The following THSD7B variants were observed in gnomAD, a reference collection of about 807,000 sequenced individuals.
The protein encoded by THSD7B is thrombospondin type 1 domain containing 7B.
In THSD7B, 138 loss-of-function variants were observed where a neutral mutation model predicts 213.6. The observed-to-expected ratio is 0.65, with a 90% CI of 0.56 to 0.74. The LOEUF (loss-of-function observed/expected upper bound fraction) is 0.74, where lower values mean the gene tolerates loss of function less well. THSD7B is among the 30% of genes least tolerant of loss of function. The probability of loss-of-function intolerance (pLI) is 0.00; values close to 1 mark genes in which losing one functional copy is unlikely to be tolerated. For missense variants in THSD7B, 1,931 were observed against 1,991.5 expected (o/e 0.97, Z 0.58); for synonymous variants, 742 against 687.0 (o/e 1.08, Z -1.25).
At chr2:137,109,197 A>C (rs921544250) in intron 4 of THSD7B, among the ~76,000 whole-genome samples, 1 of 152,174 alleles carries the variant, frequency 6.6e-6, no homozygotes, top group Non-Finnish European at 1.5e-5. Context: ...CCCACAGCCT[A>C]TTACTTCCCT....
chr2:136,814,831 A>C (rs1457687121), intron 1 of THSD7B, among the ~76,000 whole-genome samples: 1 of 152,204 alleles, frequency 6.6e-6, no homozygotes, highest in Non-Finnish European at 1.5e-5. Context: ...TTGGCAAACT[A>C]TGGTCAGTTT....
chr2:137,484,348 A>G (rs1185878457), intron 15 of THSD7B, among the ~76,000 whole-genome samples: 2 of 144,572 alleles, frequency 1.4e-5, no homozygotes, highest in African/African-American at 5.2e-5. Context: ...AAGGACATGA[A>G]CTCATCCTTT....
rs116477008 is a variant in THSD7B at position 136,924,518 on chromosome 2, C to T, written c.139+42201C>T. On this transcript the variant is annotated intron_variant, in intron 2 of 27. Coordinates refer to ENST00000409968, the MANE Select transcript of THSD7B (RefSeq NM_001316349.2). Reference sequence around the variant, plus strand: ...CATTTGGCCATTATTTCTTGGTTCTCTGTTCCACTGGGGGATATATATATA... The same window carrying T: ...CATTTGGCCATTATTTCTTGGTTCTTTGTTCCACTGGGGGATATATATATA... Among the ~76,000 whole-genome samples, 1,220 of 152,238 alleles carry T rather than the reference C, an allele frequency of 8.0e-3. 20 individuals carry two copies. The highest frequency in any genetic ancestry group is 0.028 in the African/African-American group (1,166 of 41,526).
At chr2:136,901,399 A>T (rs1027432285) in intron 2 of THSD7B, among the ~76,000 whole-genome samples, 2 of 152,254 alleles carry the variant, frequency 1.3e-5, no homozygotes, top group Admixed American at 6.5e-5. Context: ...ACCTTTTAAA[A>T]ATATATTATT....
At chr2:137,025,475 G>T (rs1686533998) in intron 2 of THSD7B, among the ~76,000 whole-genome samples, 1 of 152,040 alleles carries the variant, frequency 6.6e-6, no homozygotes, top group Admixed American at 6.6e-5. Context: ...CGATTATTTA[G>T]GGTAGGCTGA....
At position 137,054,984 on chromosome 2, in the gene THSD7B, A is replaced by G. The variant is rs1028569584; in HGVS notation, c.140-1436A>G. Among the ~76,000 whole-genome samples, 7 of 151,938 alleles carry G rather than the reference A, an allele frequency of 4.6e-5. 1 individual carries two copies. The South Asian group carries it at 1.2e-3, about 27-fold the overall frequency. On this transcript the variant is annotated intron_variant, in intron 2 of 27. Coordinates refer to ENST00000409968, the MANE Select transcript of THSD7B (RefSeq NM_001316349.2). ...GGGTGATATTCCCCTCCCTGTGTCC[A>G]TGTGTTCTCATTGTTCAACTCCCAC...
At chr2:137,549,427 C>T (rs1346048819) in intron 15 of THSD7B, among the ~76,000 whole-genome samples, 1 of 149,482 alleles carries the variant, frequency 6.7e-6, no homozygotes, top group South Asian at 2.1e-4. Flanking sequence ...TCTACCTATC[C>T]TTGCACTAGA....
At chr2:137,584,677 A>G (rs999566305) in intron 17 of THSD7B, among the ~76,000 whole-genome samples, 10 of 152,092 alleles carry the variant, frequency 6.6e-5, no homozygotes, top group Admixed American at 5.9e-4. Context: ...TGCATCCTAG[A>G]GATGAAGCCC....
At chr2:137,377,884 C>T (rs1003666893) in intron 12 of THSD7B, among the ~76,000 whole-genome samples, 1 of 152,192 alleles carries the variant, frequency 6.6e-6, no homozygotes, top group East Asian at 1.9e-4. Context: ...CTCAGCCTCC[C>T]GAAGTGCTGA....
chr2:137,274,128 C>G (rs368515715), intron 11 of THSD7B, among the ~76,000 whole-genome samples: 2 of 152,126 alleles, frequency 1.3e-5, no homozygotes, highest in South Asian at 2.1e-4. Flanking sequence ...TGCCATTTTT[C>G]CTGATGCATA....
At chr2:136,880,424 A>T (rs191390548) in intron 1 of THSD7B, among the ~76,000 whole-genome samples, 1 of 152,214 alleles carries the variant, frequency 6.6e-6, no homozygotes, top group South Asian at 2.1e-4. Flanking sequence ...TTTATTTTTC[A>T]TAATACATAT....
chr2:137,272,259 T>C (rs1202668452), intron 10 of THSD7B, among the ~76,000 whole-genome samples: 1 of 152,092 alleles, frequency 6.6e-6, no homozygotes, highest in Non-Finnish European at 1.5e-5. Flanking sequence ...GCCATAAAAC[T>C]TTTATGCCAT....
chr2:137,514,445 G>A (rs751671700), intron 15 of THSD7B, among the ~76,000 whole-genome samples: 27 of 152,094 alleles, frequency 1.8e-4, no homozygotes, highest in Admixed American at 1.3e-4. Flanking sequence ...TTTGGGACTC[G>A]GACTGGCTTC....
intron 15 of THSD7B, among the ~76,000 whole-genome samples, chr2:137,557,932 C>T (rs1681016020): frequency 6.6e-6 from 1 of 152,176 alleles, no homozygotes; most frequent in Non-Finnish European, 1.5e-5. Context: ...ATACTATAAA[C>T]ACCTCTATGC....
chr2:137,234,955 T>A (rs900702760), intron 9 of THSD7B, among the ~76,000 whole-genome samples: 1 of 152,210 alleles, frequency 6.6e-6, no homozygotes, highest in Admixed American at 6.5e-5. Context: ...CTTGGAAATG[T>A]CAACTTGTAT....
chr2:137,090,373 A>G (rs928408821), intron 3 of THSD7B, among the ~76,000 whole-genome samples: 7 of 152,020 alleles, frequency 4.6e-5, no homozygotes, highest in Non-Finnish European at 1.0e-4. Context: ...GTATGGAAGT[A>G]TTTGTTATAT....
chr2:137,529,329 A>G (rs902925389), intron 15 of THSD7B, among the ~76,000 whole-genome samples: 10 of 152,072 alleles, frequency 6.6e-5, no homozygotes, highest in Non-Finnish European at 1.5e-4. Context: ...ACAATGATAC[A>G]AAGGCAAGGT....
intron 14 of THSD7B, among the ~76,000 whole-genome samples, chr2:137,433,532 T>G (rs1468373759): frequency 1.3e-5 from 2 of 151,932 alleles, no homozygotes; most frequent in Non-Finnish European, 2.9e-5. Flanking sequence ...TTTTGTATAT[T>G]TTGTAGAGAC....
chr2:137,468,520 A>G lies in THSD7B; in HGVS notation c.3138+17497A>G, dbSNP rs376242621. On this transcript the variant is annotated intron_variant, in intron 15 of 27. Coordinates refer to ENST00000409968, the MANE Select transcript of THSD7B (RefSeq NM_001316349.2). ...CTTCTATCGCCATTATGAGTCTCCA[A>G]GGGCTGAGCACTTGGAACCACATGA... 1.6e-4 allele frequency among the ~76,000 whole-genome samples: 24 copies of G among 151,172 alleles called. 2 individuals are homozygous for G. The highest frequency in any genetic ancestry group is 1.4e-3 in the East Asian group (7 of 5,068).
Sources: gnomAD v4.1 joint callset for allele counts (sites outside exome capture counted in the v4.1 genomes callset) on GRCh38, gnomAD v4.1.1 for gene constraint, MANE v1.5 for transcripts, NCBI Gene and HGNC (gene_info 2026-07-23, HGNC 2026-07-21) for gene names.